ADCY3: variants seen among roughly 807,000 people sequenced by gnomAD.
The protein encoded by ADCY3 is adenylate cyclase 3, also known as adenylate cyclase type 3.
ADCY3 carries 70 observed loss-of-function variants against 119.4 expected under a neutral mutation model. The observed-to-expected ratio is 0.59, with a 90% CI of 0.48 to 0.72. The LOEUF (loss-of-function observed/expected upper bound fraction) is 0.72, where lower values mean the gene tolerates loss of function less well. Among genes scored for constraint, ADCY3 ranks in the 30% least tolerant of loss-of-function variants. The pLI is 0.00. For missense variants in ADCY3, 1,238 were observed against 1,541.6 expected (o/e 0.80, Z 3.30); for synonymous variants, 672 against 621.4 (o/e 1.08, Z -1.21).
At chr2:24,866,564 C>CAAAAAAAAAAAAAAAAAAA (rs71397449) in intron 3 of ADCY3, among the ~76,000 whole-genome samples, 5 of 46,538 alleles carry the variant, frequency 1.1e-4, no homozygotes, top group African/African-American at 3.8e-4. Flanking sequence ...GACCCTGTCT[C>CAAAAAAAAAAAAAAAAAAA]AAAAAAAAAA....
At chr2:24,863,557 G>A (rs1295137207) in intron 3 of ADCY3, among the ~76,000 whole-genome samples, 1 of 152,170 alleles carries the variant, frequency 6.6e-6, no homozygotes, top group African/African-American at 2.4e-5. Context: ...GCCTCTATCA[G>A]TCTTTTATTT....
intron 2 of ADCY3, among the ~76,000 whole-genome samples, chr2:24,902,783 A>G (rs1008131028): frequency 6.6e-6 from 1 of 152,144 alleles, no homozygotes; most frequent in African/African-American, 2.4e-5. Context: ...TAATCCCAGC[A>G]CTTTGGGAGG....
At chr2:24,838,788 T>C in intron 7 of ADCY3, 166 bp from the exon 8 acceptor site, 3 of 1,597,212 alleles carry the variant, frequency 1.9e-6, no homozygotes, top group Non-Finnish European at 2.6e-6. Context: ...ACTAGCTGTG[T>C]GGGCCGCTAA....
intron 2 of ADCY3, among the ~76,000 whole-genome samples, chr2:24,894,305 A>G (rs1678012343): frequency 6.6e-6 from 1 of 152,142 alleles, no homozygotes; most frequent in Non-Finnish European, 1.5e-5. Context: ...CAACGTGGTG[A>G]GACTCTATTT....
chr2:24,908,605 C>T (rs148409848), intron 2 of ADCY3, among the ~76,000 whole-genome samples: 22 of 120,278 alleles, frequency 1.8e-4, no homozygotes, highest in African/African-American at 8.8e-4. Flanking sequence ...TAGTTTAAAG[C>T]GCCTCTATAT....
At chr2:24,889,813 G>C (rs191481253) in intron 2 of ADCY3, among the ~76,000 whole-genome samples, 1 of 152,320 alleles carries the variant, frequency 6.6e-6, no homozygotes, top group Admixed American at 6.5e-5. Flanking sequence ...TCCAGCCTGG[G>C]CAGCAAGAGC....
chr2:24,892,050 G>A (rs572057553), intron 2 of ADCY3, among the ~76,000 whole-genome samples: 2 of 152,230 alleles, frequency 1.3e-5, no homozygotes, highest in South Asian at 4.1e-4. Context: ...CTTTGTCTGC[G>A]TCTGCTAATT....
chr2:24,877,608 C>T (rs776395861), intron 2 of ADCY3, among the ~76,000 whole-genome samples: 4 of 152,140 alleles, frequency 2.6e-5, no homozygotes, highest in Non-Finnish European at 5.9e-5. Flanking sequence ...GATGGCTTCA[C>T]GAAGACGTGA....
intron 3 of ADCY3, among the ~76,000 whole-genome samples, chr2:24,862,334 C>A (rs1673763832): frequency 1.3e-5 from 2 of 152,316 alleles, no homozygotes; most frequent in South Asian, 4.1e-4. Flanking sequence ...ATCACGAGGT[C>A]AGGAGATCGA....
chr2:24,820,064 C>A lies in ADCY3; in HGVS notation c.3303G>T (p.Val1101=). 1 of 1,591,216 alleles carries A rather than the reference C, an allele frequency of 6.3e-7. No homozygotes were observed. The highest frequency in any genetic ancestry group is 1.7e-4 in the Middle Eastern group (1 of 5,936). ...VILREYGFRF[V]RRGPIFVKGK... ...CCTTCACAAAGATGGGGCCTCGCCT[C>A]ACAAAGCGGAAGCCGTACTCTCGGA... The change falls in exon 22 of 22, where the codon GTG becomes GTT. Residue 1101 remains valine, a synonymous_variant. Coordinates refer to ENST00000679454, the MANE Select transcript of ADCY3 (RefSeq NM_004036.5).
intron 3 of ADCY3, among the ~76,000 whole-genome samples, chr2:24,862,471 G>C (rs898691038): frequency 6.6e-6 from 1 of 151,738 alleles, no homozygotes; most frequent in African/African-American, 2.4e-5. Flanking sequence ...GCGTGAACCC[G>C]GAAGGCGGAG....
chr2:24,834,847 G>A lies in ADCY3; in HGVS notation c.1752C>T (p.His584=), dbSNP rs779327434. Residue 584 remains histidine, a synonymous_variant, in exon 10 of 22, where the codon CAC becomes CAT. Coordinates refer to ENST00000679454, the MANE Select transcript of ADCY3 (RefSeq NM_004036.5). The surrounding 1 kb of genome is among the most constrained non-coding windows in gnomAD (Gnocchi z 4.2). The stretch of plus-strand genomic sequence containing the variant: ...CCTCGTTGAGCAGCTGGTTGAGCTC[G>A]TGCTCATCTTCAGAGGCATCCACCA... ...DRVVDASEDE[H]ELNQLLNEAL... 11 of 1,613,928 alleles carry A rather than the reference G, an allele frequency of 6.8e-6. No individual in the cohort carries two copies. Among genetic ancestry groups the A allele is most frequent in the East Asian group, 2.2e-5 (1 of 44,866 alleles).
intron 2 of ADCY3, among the ~76,000 whole-genome samples, chr2:24,874,768 G>A (rs1675458085): frequency 6.6e-6 from 1 of 152,208 alleles, no homozygotes; most frequent in South Asian, 2.1e-4. Context: ...AGCCGGTGAG[G>A]GGCAGGATCA....
intron 3 of ADCY3, among the ~76,000 whole-genome samples, chr2:24,871,926 C>G (rs1675062635): frequency 1.3e-5 from 2 of 152,240 alleles, no homozygotes; most frequent in South Asian, 4.1e-4. Context: ...AGCGAGGCCT[C>G]TCTCCAGATG....
intron 2 of ADCY3, among the ~76,000 whole-genome samples, chr2:24,894,252 GT>G (rs1289131235): frequency 7.2e-5 from 11 of 152,212 alleles, no homozygotes; most frequent in Non-Finnish European, 1.5e-5. Flanking sequence ...CGAGGCCATG[GT>G]GGGAGAACTG....
rs141500934 is a variant in ADCY3, at chr2:24,883,732, G to A, written c.676-11013C>T. 1.1e-3 allele frequency among the ~76,000 whole-genome samples: 163 copies of A among 152,304 alleles called. 1 individual carries two copies. Among genetic ancestry groups the A allele is most frequent in the African/African-American group, 3.8e-3 (156 of 41,564 alleles). On this transcript the variant is annotated intron_variant, in intron 2 of 21. Transcript: ENST00000679454. ...TGTACCAGCTCGGAGGAAGACAAGT[G>A]TATAATCTGGAGACAGAAGATATTT...
chr2:24,911,657 A>AACACACAC (rs1553367741), intron 2 of ADCY3, among the ~76,000 whole-genome samples: 3 of 138,246 alleles, frequency 2.2e-5, no homozygotes, highest in South Asian at 2.3e-4. Context: ...AAAAAAAAAA[A>AACACACAC]ACACACACAC....
intron 2 of ADCY3, among the ~76,000 whole-genome samples, chr2:24,912,683 C>G (rs1397253190): frequency 1.3e-5 from 2 of 151,992 alleles, no homozygotes; most frequent in Non-Finnish European, 2.9e-5. Flanking sequence ...CCTGGGCTTC[C>G]GTTTCCTCTC....
chr2:24,874,958 G>A (rs1675490452), intron 2 of ADCY3, among the ~76,000 whole-genome samples: 2 of 152,214 alleles, frequency 1.3e-5, no homozygotes, highest in Admixed American at 1.3e-4. Flanking sequence ...ATAATCTTTG[G>A]TGATTGGTGT....
Sources: gnomAD v4.1 joint callset for allele counts (sites outside exome capture counted in the v4.1 genomes callset) on GRCh38, gnomAD v4.1.1 for gene constraint, Gnocchi (gnomAD v3.1) non-coding constraint, MANE v1.5 for transcripts, NCBI Gene and HGNC (gene_info 2026-07-23, HGNC 2026-07-21) for gene names.